PPP2R2C: variants seen among roughly 807,000 people sequenced by gnomAD.
PPP2R2C encodes the protein protein phosphatase 2 regulatory subunit Bgamma.
PPP2R2C carries 10 observed loss-of-function variants against 45.3 expected under a neutral mutation model. That is an observed-to-expected ratio of 0.22 (90% CI 0.14 to 0.37). The LOEUF is 0.37. Among genes scored for constraint, PPP2R2C ranks in the 10% least tolerant of loss-of-function variants. The pLI, the probability that PPP2R2C is intolerant of heterozygous loss-of-function variation, is 1.00. For missense variants in PPP2R2C, 308 were observed against 619.7 expected, an observed-to-expected ratio of 0.50 and a Z score of 5.34; for synonymous variants, 257 against 245.4, an observed-to-expected ratio of 1.05 and a Z score of -0.44.
intron 2 of PPP2R2C, among the ~76,000 whole-genome samples, chr4:6,485,387 C>T (rs1330405104): frequency 1.3e-5 from 2 of 151,730 alleles, no homozygotes; most frequent in Non-Finnish European, 3.0e-5. Context: ...TAACTCTGCC[C>T]CACAGAATGA....
chr4:6,561,427 A>G (rs1725575205), intron 1 of PPP2R2C, among the ~76,000 whole-genome samples: 1 of 151,196 alleles, frequency 6.6e-6, no homozygotes, highest in Non-Finnish European at 1.5e-5. Flanking sequence ...TTCATTTTGC[A>G]CTGAGCCCCA....
At chr4:6,530,568 G>A (rs529488405) in intron 2 of PPP2R2C, among the ~76,000 whole-genome samples, 29 of 152,266 alleles carry the variant, frequency 1.9e-4, no homozygotes, top group African/African-American at 6.7e-4. Context: ...GAACCTGCCC[G>A]CTGTCCGGGT....
chr4:6,494,220 C>T (rs1347232161), intron 2 of PPP2R2C, among the ~76,000 whole-genome samples: 2 of 152,188 alleles, frequency 1.3e-5, no homozygotes, highest in Non-Finnish European at 2.9e-5. Context: ...CATACCAGCC[C>T]TGCAGTATCT....
chr4:6,351,852 C>T (rs370605972), intron 5 of PPP2R2C, among the ~76,000 whole-genome samples: 174 of 152,268 alleles, frequency 1.1e-3, no homozygotes, highest in African/African-American at 4.0e-3. Flanking sequence ...GTCACCTGGT[C>T]CGTGCGACCG....
At chr4:6,373,832 T>C (rs1472719143) in intron 4 of PPP2R2C, among the ~76,000 whole-genome samples, 1 of 152,092 alleles carries the variant, frequency 6.6e-6, no homozygotes, top group Non-Finnish European at 1.5e-5. Context: ...AGAGTTCATG[T>C]ATGAGTGTGT....
At chr4:6,525,873 T>G (rs1325810602) in intron 2 of PPP2R2C, among the ~76,000 whole-genome samples, 1 of 152,004 alleles carries the variant, frequency 6.6e-6, no homozygotes, top group Non-Finnish European at 1.5e-5. Flanking sequence ...CCAGCTAATT[T>G]TTATATTTTT....
chr4:6,442,439 G>A (rs866621932), intron 1 of PPP2R2C, among the ~76,000 whole-genome samples: 4 of 152,236 alleles, frequency 2.6e-5, no homozygotes, highest in African/African-American at 7.2e-5. Context: ...GCTTCAGTCC[G>A]TGGGGCCACC....
chr4:6,420,440 C>G (rs1718889810), intron 1 of PPP2R2C, among the ~76,000 whole-genome samples: 1 of 152,178 alleles, frequency 6.6e-6, no homozygotes, highest in Non-Finnish European at 1.5e-5. Flanking sequence ...TGTGCGGCCT[C>G]TCGCCCCAAG....
chr4:6,536,028 C>T (rs566617039), intron 1 of PPP2R2C, among the ~76,000 whole-genome samples: 1 of 152,330 alleles, frequency 6.6e-6, no homozygotes, highest in Non-Finnish European at 1.5e-5. Flanking sequence ...CCACCCCCAC[C>T]CCTGACAGCT....
chr4:6,347,199 A>G (rs1310704557), intron 6 of PPP2R2C, among the ~76,000 whole-genome samples: 1 of 152,166 alleles, frequency 6.6e-6, no homozygotes, highest in African/African-American at 2.4e-5. Flanking sequence ...GCTTGTGTGA[A>G]GATTCGATGA....
Position 6,332,681 on chromosome 4 carries a change from C to A in PPP2R2C, c.960+881G>T, listed in dbSNP as rs2109172611. ...TCCCTCATCTCCCTACCTCTCAGTG[C>A]CCGAGTTCCCTTTCCACCAAATAGG... On this transcript the variant is annotated intron_variant, in intron 7 of 8. Transcript: ENST00000382599. The surrounding 1 kb of genome is among the most constrained non-coding windows in gnomAD (Gnocchi z 4.9). Among the ~76,000 whole-genome samples, 1 of 152,278 alleles carries A rather than the reference C, an allele frequency of 6.6e-6. No homozygotes were observed. The highest frequency in any genetic ancestry group is 2.4e-5 in the African/African-American group (1 of 41,552).
In PPP2R2C at chr4:6,328,920, G is replaced by A. The variant is rs1388757160; in HGVS notation, c.1052+342C>T. 1.7e-5 allele frequency among the ~76,000 whole-genome samples: 1 copy of A among 57,814 alleles called. No homozygotes were observed. Among genetic ancestry groups the A allele is most frequent in the Non-Finnish European group, 4.1e-5 (1 of 24,636 alleles). The allele number at this position is 57,814 out of a possible 152,430, so 37.9% of individuals were successfully genotyped here. A position where few individuals can be genotyped will look rare whatever the true frequency, so the allele number is the denominator to read the frequency against. On this transcript the variant is annotated intron_variant, in intron 8 of 8. Transcript: ENST00000382599. This position sits in a 1 kb window ranked among gnomAD's most constrained non-coding sequence, Gnocchi z 4.4. The stretch of plus-strand genomic sequence containing the variant: ...CAGGTGTGGATGGATGATGGTGACC[G>A]GGTGCTGGGCTATAGCCCTCGCCCC...
At chr4:6,421,647 G>A (rs1007267515) in intron 1 of PPP2R2C, among the ~76,000 whole-genome samples, 4 of 152,076 alleles carry the variant, frequency 2.6e-5, no homozygotes, top group Non-Finnish European at 4.4e-5. Context: ...CTCCAGACGC[G>A]AGGGGGCTGA....
intron 1 of PPP2R2C, among the ~76,000 whole-genome samples, chr4:6,416,112 G>C (rs1246586113): frequency 9.8e-6 from 1 of 101,902 alleles, no homozygotes; most frequent in Non-Finnish European, 2.2e-5. Context: ...CTAAGACTAA[G>C]TCCACCATTT....
At position 6,345,313 on chromosome 4, in the gene PPP2R2C, G is replaced by T. The variant is rs74529806; in HGVS notation, c.790+2533C>A. 4.0e-4 allele frequency among the ~76,000 whole-genome samples: 61 copies of T among 152,256 alleles called. No individual in the cohort carries two copies. In the East Asian group the frequency reaches 0.01, roughly 26 times the overall value. On this transcript the variant is annotated intron_variant, in intron 6 of 8. Transcript: ENST00000382599. This position sits in a 1 kb window ranked among gnomAD's most constrained non-coding sequence, Gnocchi z 5.3. ...GAGTGAATGGGCGGGAGGCGTAGGT[G>T]GGGGGGCAGTGTCCTGTAGTAGGCG...
At chr4:6,410,754 C>T (rs755108186) in intron 1 of PPP2R2C, among the ~76,000 whole-genome samples, 6 of 152,126 alleles carry the variant, frequency 3.9e-5, no homozygotes, top group Non-Finnish European at 7.3e-5. Flanking sequence ...TTCTCAGAAA[C>T]GTGTGCAGCG....
In PPP2R2C at chr4:6,364,601, C is replaced by T. The variant is rs1236143890; in HGVS notation, c.625+7922G>A. On this transcript the variant is annotated intron_variant, in intron 5 of 8. Transcript: ENST00000382599. The surrounding 1 kb of genome is among the most constrained non-coding windows in gnomAD (Gnocchi z 5.3). ...TGCCAGGCACTGCCCTAAAGGCTTC[C>T]CAGATGTCATCGTAGCACCCAGTCC... 6.6e-6 allele frequency among the ~76,000 whole-genome samples: 1 copy of T among 152,108 alleles called. No individual in the cohort carries two copies. The highest frequency in any genetic ancestry group is 1.5e-5 in the Non-Finnish European group (1 of 68,008).
intron 1 of PPP2R2C, among the ~76,000 whole-genome samples, chr4:6,470,733 A>C (rs549129801): frequency 2.8e-4 from 43 of 152,290 alleles, no homozygotes; most frequent in African/African-American, 9.4e-4. Context: ...CAGGCGACAA[A>C]GGACCGCTCT....
chr4:6,446,366 G>A (rs1720419971), intron 1 of PPP2R2C, among the ~76,000 whole-genome samples: 1 of 152,074 alleles, frequency 6.6e-6, no homozygotes, highest in African/African-American at 2.4e-5. Context: ...CCCCATCGAG[G>A]CTCATTTTAA....
Sources: allele counts gnomAD v4.1 joint callset (sites outside exome capture counted in the v4.1 genomes callset), GRCh38; gene constraint gnomAD v4.1.1; non-coding constraint Gnocchi (gnomAD v3.1); transcripts MANE v1.5; gene names NCBI Gene and HGNC (gene_info 2026-07-23, HGNC 2026-07-21).